PRDM15: variants seen among roughly 807,000 people sequenced by gnomAD.
PRDM15 encodes PR/SET domain 15, also known as PR domain zinc finger protein 15.
A neutral mutation model predicts 128.6 loss-of-function variants in PRDM15; 64 were observed. That is an observed-to-expected ratio of 0.50 (90% CI 0.41 to 0.61). PRDM15 has a LOEUF of 0.61. PRDM15 is among the 20% of genes least tolerant of loss of function. PRDM15 has a pLI of 0.00. For missense variants in PRDM15, 1,242 were observed against 1,569.1 expected, an observed-to-expected ratio of 0.79 and a Z score of 3.52; for synonymous variants, 615 against 621.8, an observed-to-expected ratio of 0.99 and a Z score of 0.16.
intron 23 of PRDM15, among the ~76,000 whole-genome samples, chr21:41,802,318 C>T (rs2061436973): frequency 6.6e-6 from 1 of 152,184 alleles, no homozygotes; most frequent in Non-Finnish European, 1.5e-5. Context: ...GTGGGATTGT[C>T]TTCACCTTCC....
chr21:41,836,419 C>T, intron 9 of PRDM15, 49 bp downstream of exon 9: 1 of 1,565,604 alleles, frequency 6.4e-7, no homozygotes, highest in Non-Finnish European at 8.7e-7. Flanking sequence ...CACCCCCAGC[C>T]CCAGTCCTGG....
intron 6 of PRDM15, among the ~76,000 whole-genome samples, chr21:41,842,334 T>TA (rs2063097705): frequency 6.6e-6 from 1 of 152,208 alleles, no homozygotes; most frequent in Non-Finnish European, 1.5e-5. Flanking sequence ...GATTTAGCTT[T>TA]CTTATAGACT....
intron 1 of PRDM15, among the ~76,000 whole-genome samples, chr21:41,865,720 A>T (rs766243979): frequency 1.3e-5 from 2 of 152,140 alleles, no homozygotes; most frequent in Admixed American, 1.3e-4. Context: ...TGTCATGCAC[A>T]TGGTCTGTTT....
At chr21:41,825,279 G>C (rs1346085001) in intron 13 of PRDM15, among the ~76,000 whole-genome samples, 1 of 152,278 alleles carries the variant, frequency 6.6e-6, no homozygotes, top group Non-Finnish European at 1.5e-5. Context: ...TGACAGCTGT[G>C]AGGACCACGG....
chr21:41,816,796 C>T (rs1433174375), intron 18 of PRDM15, among the ~76,000 whole-genome samples: 2 of 152,106 alleles, frequency 1.3e-5, no homozygotes, highest in Non-Finnish European at 2.9e-5. Flanking sequence ...CACACAGCTG[C>T]ACAACTCCTG....
At chr21:41,833,809 G>T (rs916303966) in intron 11 of PRDM15, among the ~76,000 whole-genome samples, 7 of 152,144 alleles carry the variant, frequency 4.6e-5, no homozygotes, top group Non-Finnish European at 1.0e-4. Context: ...TTTTATTTGG[G>T]TCCAGAGAAA....
At chr21:41,839,188 A>T (rs970164465) in intron 7 of PRDM15, among the ~76,000 whole-genome samples, 4 of 152,248 alleles carry the variant, frequency 2.6e-5, no homozygotes, top group Non-Finnish European at 5.9e-5. Context: ...AGCACTGTTC[A>T]GCAATCCAGG....
At chr21:41,842,376 A>G (rs1043789893) in intron 6 of PRDM15, among the ~76,000 whole-genome samples, 5 of 152,248 alleles carry the variant, frequency 3.3e-5, no homozygotes, top group African/African-American at 7.2e-5. Flanking sequence ...TATCTTCTCC[A>G]CAATCTCACC....
intron 21 of PRDM15, among the ~76,000 whole-genome samples, chr21:41,807,075 C>T (rs2061704681): frequency 6.6e-6 from 1 of 152,154 alleles, no homozygotes; most frequent in African/African-American, 2.4e-5. Flanking sequence ...CCACCATCTC[C>T]ACCACTACCT....
chr21:41,843,950 T>TAAAAA (rs1555883669), intron 6 of PRDM15, among the ~76,000 whole-genome samples: 4 of 123,222 alleles, frequency 3.2e-5, no homozygotes, highest in East Asian at 2.3e-4. Context: ...CCTTGTATTG[T>TAAAAA]AAAAAAAAAA....
At chr21:41,806,495 TCACCACCATCACCATCAC>T (rs2061647962) in intron 21 of PRDM15, among the ~76,000 whole-genome samples, 1 of 71,230 alleles carries the variant, frequency 1.4e-5, no homozygotes, top group Non-Finnish European at 2.6e-5. Context: ...ACCACCACCA[TCACCACCATCACCATCAC>T]CACCACCATC....
At chr21:41,871,653 C>T (rs758849989) in intron 1 of PRDM15, 1 of 1,585,838 alleles carries the variant, frequency 6.3e-7, no homozygotes, top group Admixed American at 1.7e-5. Flanking sequence ...CGAAAGTAGA[C>T]ATGAGAAGCC....
At chr21:41,836,366 C>A in intron 9 of PRDM15, 102 bp downstream of exon 9, 4 of 1,348,858 alleles carry the variant, frequency 3.0e-6, no homozygotes, top group Non-Finnish European at 4.1e-6. Context: ...TGGCGCAGCT[C>A]GTGGGAGACG....
chr21:41,855,218 C>T (rs982761905), intron 4 of PRDM15, among the ~76,000 whole-genome samples: 6 of 152,212 alleles, frequency 3.9e-5, no homozygotes, highest in Admixed American at 6.5e-5. Context: ...GTCACGGGGA[C>T]ACCTAAGGCT....
intron 14 of PRDM15, among the ~76,000 whole-genome samples, chr21:41,822,423 G>A (rs972274456): frequency 6.6e-5 from 10 of 152,152 alleles, no homozygotes; most frequent in Admixed American, 1.3e-4. Flanking sequence ...CCCTGCTCCC[G>A]GGGCTTCTGC....
chr21:41,874,097 AG>A lies in PRDM15; in HGVS notation c.-10+5172del, dbSNP rs2064313614. On this transcript the variant is annotated intron_variant, in intron 1 of 23. Coordinates refer to ENST00000398548, the MANE Select transcript of PRDM15 (RefSeq NM_001040424.3). ...AAAAAAAAAAAAAAAAAGCAAACTG[AG>A]GTAGTGTAGACTCTACCACACTGAT... 6.1e-5 allele frequency among the ~76,000 whole-genome samples: 9 copies of A among 146,972 alleles called. 1 individual carries two copies. The highest frequency in any genetic ancestry group is 3.9e-4 in the East Asian group (2 of 5,076).
Position 41,836,459 on chromosome 21 carries a change from C to A in PRDM15, c.1183+9G>T, listed in dbSNP as rs368772097. 20 of 1,604,266 alleles carry A rather than the reference C, an allele frequency of 1.2e-5. No individual in the cohort carries two copies. Among genetic ancestry groups the A allele is most frequent in the Non-Finnish European group, 1.7e-5 (20 of 1,173,712 alleles). ...GGCCCCGGGCGCCAGCCGGGCCTCG[C>A]GGACTCACCATGCGAGCGCACGTGC... On this transcript the variant is annotated intron_variant, in intron 9 of 23. Coordinates refer to ENST00000398548, the MANE Select transcript of PRDM15 (RefSeq NM_001040424.3).
rs1568955362 is a variant in PRDM15 at position 41,836,181 on chromosome 21, A to C, written c.1210T>G (p.Cys404Gly). ...TCTTTGCGGCTGAACAATTTTGCACACTCTTCGCACTTAAACAGCTTGTCA... is the reference window on the plus strand; with the variant it reads ...TCTTTGCGGCTGAACAATTTTGCACCCTCTTCGCACTTAAACAGCTTGTCA... ...HGDKLFKCEE[C>G]AKLFSRKESL... The change falls in exon 10 of 24, where the codon TGT (cysteine) becomes GGT (glycine). Residue 404 changes from cysteine to glycine, a missense_variant. Cys to Gly is a radical substitution (Grantham distance 159). Around this residue, in one of 3 missense-constraint regions of PRDM15, gnomAD observed 612 missense variants for 717.0 expected, o/e 0.85. Transcript: ENST00000398548. 6.2e-7 allele frequency: 1 copy of C among 1,613,738 alleles called. No individual in the cohort carries two copies. The highest frequency in any genetic ancestry group is 8.5e-7 in the Non-Finnish European group (1 of 1,179,918).
At chr21:41,876,507 C>T (rs556785300) in intron 1 of PRDM15, among the ~76,000 whole-genome samples, 1 of 152,190 alleles carries the variant, frequency 6.6e-6, no homozygotes, top group African/African-American at 2.4e-5. Flanking sequence ...GCTCCCGCAG[C>T]TGCTGCAGAC....
Sources: gnomAD v4.1 joint callset for allele counts (sites outside exome capture counted in the v4.1 genomes callset) on GRCh38, gnomAD v4.1.1 for gene constraint, gnomAD v4.1.1 regional missense constraint, MANE v1.5 for transcripts, NCBI Gene and HGNC (gene_info 2026-07-23, HGNC 2026-07-21) for gene names.